Variants in ABLIM1 observed in about 807,000 individuals in gnomAD.
The protein encoded by ABLIM1 is actin-binding LIM protein 1.
Under a neutral mutation model 107.0 loss-of-function variants are expected in ABLIM1, and 40 were observed. The ratio of observed to expected loss-of-function variants is 0.37; its 90% confidence interval spans 0.29 to 0.49. The LOEUF (loss-of-function observed/expected upper bound fraction) is 0.49. Ranked by LOEUF, ABLIM1 falls within the 20% of genes least tolerant of loss-of-function variation. The probability of loss-of-function intolerance (pLI) is 0.97; values close to 1 mark genes in which losing one functional copy is unlikely to be tolerated. For missense variants in ABLIM1, 857 were observed against 1,008.5 expected (o/e 0.85, Z 2.04); for synonymous variants, 357 against 357.3 (o/e 1.00, Z 0.01).
upstream of ABLIM1, among the ~76,000 whole-genome samples, chr10:114,689,187 C>G (rs997296018): frequency 3.9e-5 from 6 of 152,192 alleles, no homozygotes; most frequent in South Asian, 1.2e-3. Flanking sequence ...TGTGCCAGAC[C>G]AGGAAGAGGC....
chr10:114,649,750 T>TA (rs1240778730), intron 1 of ABLIM1, among the ~76,000 whole-genome samples: 2 of 152,128 alleles, frequency 1.3e-5, no homozygotes, highest in African/African-American at 4.8e-5. Context: ...CACCTTATAT[T>TA]ACCTTCCTAC....
chr10:114,594,477 C>T (rs11196797), intron 2 of ABLIM1, among the ~76,000 whole-genome samples: 57,412 of 152,050 alleles, frequency 0.38, 12,721 homozygotes, highest in Non-Finnish European at 0.51. Flanking sequence ...AGGCTGGGTG[C>T]GGTGGCCCAT....
At chr10:114,521,995 T>C (rs571688972) in intron 6 of ABLIM1, among the ~76,000 whole-genome samples, 12 of 152,022 alleles carry the variant, frequency 7.9e-5, no homozygotes, top group African/African-American at 2.4e-4. Flanking sequence ...AAGAGGCAGG[T>C]TGAATAATGA....
At chr10:114,661,806 A>G (rs901586039), upstream of ABLIM1, among the ~76,000 whole-genome samples, 1 of 152,206 alleles carries the variant, frequency 6.6e-6, no homozygotes, top group African/African-American at 2.4e-5. Flanking sequence ...ATGATAGACT[A>G]TGAAAATGAA....
At chr10:114,765,612 T>C (rs925499081) in intron 1 of ABLIM1, among the ~76,000 whole-genome samples, 32 of 152,214 alleles carry the variant, frequency 2.1e-4, no homozygotes, top group African/African-American at 7.2e-4. Flanking sequence ...TTTGAAATCT[T>C]TTAAAAAATT....
At chr10:114,770,061 C>A (rs1021065563), upstream of ABLIM1, among the ~76,000 whole-genome samples, 1 of 152,134 alleles carries the variant, frequency 6.6e-6, no homozygotes, top group African/African-American at 2.4e-5. Flanking sequence ...CCACTGCCTC[C>A]CTACCACCCA....
At chr10:114,704,252 G>A (rs1365488509) in intron 1 of ABLIM1, among the ~76,000 whole-genome samples, 3 of 64,068 alleles carry the variant, frequency 4.7e-5, no homozygotes, top group Non-Finnish European at 1.0e-4. Context: ...CTCTCTCTCT[G>A]ACACTCTATC....
intron 1 of ABLIM1, among the ~76,000 whole-genome samples, chr10:114,762,288 C>T (rs1290555478): frequency 2.6e-5 from 4 of 152,164 alleles, no homozygotes; most frequent in Admixed American, 2.0e-4. Flanking sequence ...CTGCCTCAGA[C>T]TCCCAAAGTG....
intron 8 of ABLIM1, chr10:114,485,313 C>A (rs772965653): frequency 5.0e-6 from 8 of 1,612,138 alleles, no homozygotes; most frequent in South Asian, 1.1e-5. Context: ...AGACGGAGAC[C>A]GTCCTGTGCG....
chr10:114,638,025 T>C (rs183784937), intron 1 of ABLIM1, among the ~76,000 whole-genome samples: 7 of 152,352 alleles, frequency 4.6e-5, no homozygotes, highest in Non-Finnish European at 8.8e-5. Flanking sequence ...CCAAGTGCTC[T>C]GAAGTTGACT....
chr10:114,594,013 A>G (rs1418717628), intron 2 of ABLIM1, among the ~76,000 whole-genome samples: 2 of 152,162 alleles, frequency 1.3e-5, no homozygotes, highest in Admixed American at 1.3e-4. Flanking sequence ...TTTATATCAC[A>G]CTTATGTTTC....
At chr10:114,594,372 A>G (rs73362817) in intron 2 of ABLIM1, among the ~76,000 whole-genome samples, 2,191 of 152,326 alleles carry the variant, frequency 0.014, 44 homozygotes, top group African/African-American at 0.051. Context: ...TTTTCAGAAG[A>G]TAATGTTACT....
At chr10:114,632,252 A>C (rs2078237833) in intron 1 of ABLIM1, 1 of 985,268 alleles carries the variant, frequency 1.0e-6, no homozygotes, top group African/African-American at 1.7e-5. Flanking sequence ...ATCTCTGGTC[A>C]CTGACACCAC....
At chr10:114,774,774 A>T in the ABLIM1 span, among the ~76,000 whole-genome samples, 1 of 152,096 alleles carries the variant, frequency 6.6e-6, no homozygotes, top group African/African-American at 2.4e-5. Flanking sequence ...CAGAGATGTT[A>T]AATATTTTAG....
intron 1 of ABLIM1, among the ~76,000 whole-genome samples, chr10:114,610,276 G>A (rs906398665): frequency 2.6e-5 from 4 of 152,212 alleles, no homozygotes; most frequent in Non-Finnish European, 4.4e-5. Flanking sequence ...GACCCTCTCG[G>A]CCACCTCCAG....
intron 6 of ABLIM1, among the ~76,000 whole-genome samples, chr10:114,495,033 A>G (rs1030424990): frequency 6.6e-6 from 1 of 152,162 alleles, no homozygotes; most frequent in African/African-American, 2.4e-5. Context: ...GAGGACACAC[A>G]TGTATATGTA....
In ABLIM1 at chr10:114,617,761, C is replaced by T. The variant is rs79329086; in HGVS notation, c.245-15800G>A. On this transcript the variant is annotated intron_variant, in intron 1 of 22. Coordinates refer to ENST00000533213, the MANE Select transcript of ABLIM1 (RefSeq NM_002313.7). ...ACTATTTCACTTAAATTAACCCTAA[C>T]AATAAAGATATGGAGTGGGAAGTAT... is the stretch of plus-strand genomic sequence containing the variant. 9.2e-5 allele frequency among the ~76,000 whole-genome samples: 14 copies of T among 152,286 alleles called. No homozygotes were observed. The East Asian group carries it at 2.3e-3, about 25-fold the overall frequency.
chr10:114,513,972 A>G (rs985224667), intron 6 of ABLIM1, among the ~76,000 whole-genome samples: 4 of 152,202 alleles, frequency 2.6e-5, no homozygotes, highest in Admixed American at 2.0e-4. Flanking sequence ...CTCAATGACT[A>G]TACTCAAGGA....
At chr10:114,569,867 G>A (rs2071393487) in intron 4 of ABLIM1, among the ~76,000 whole-genome samples, 2 of 152,114 alleles carry the variant, frequency 1.3e-5, no homozygotes, top group Admixed American at 6.6e-5. Flanking sequence ...AAATTCACAC[G>A]CCAAGGATCC....
Sources: gnomAD v4.1 joint callset for allele counts (sites outside exome capture counted in the v4.1 genomes callset) on GRCh38, gnomAD v4.1.1 for gene constraint, MANE v1.5 for transcripts, NCBI Gene and HGNC (gene_info 2026-07-23, HGNC 2026-07-21) for gene names.